The following COL1A2 variants were observed in gnomAD, a reference collection of about 807,000 sequenced individuals.
COL1A2 encodes collagen alpha-2(I) chain.
In COL1A2, 49 loss-of-function variants were observed where a neutral mutation model predicts 174.3. The observed-to-expected ratio is 0.28, with a 90% confidence interval of 0.22 to 0.36. The LOEUF (loss-of-function observed/expected upper bound fraction) is 0.36, where lower values mean the gene tolerates loss of function less well. Among genes scored for constraint, COL1A2 ranks in the 10% least tolerant of loss-of-function variants. The pLI, the probability that COL1A2 is intolerant of heterozygous loss-of-function variation, is 1.00. For missense variants in COL1A2, 1,438 were observed against 1,822.7 expected (o/e 0.79, Z 3.84); for synonymous variants, 655 against 606.6 (o/e 1.08, Z -1.17).
At chr7:94,420,923 G>C in intron 37 of COL1A2, 86 bp from the exon 38 acceptor site, 1 of 1,296,014 alleles carries the variant, frequency 7.7e-7, no homozygotes, top group Non-Finnish European at 1.1e-6. Context: ...TCTTCTAAGA[G>C]ATGCGGGAAT....
intron 6 of COL1A2, among the ~76,000 whole-genome samples, chr7:94,404,333 T>C (rs1246242076): frequency 1.3e-5 from 2 of 152,214 alleles, no homozygotes; most frequent in Non-Finnish European, 2.9e-5. Flanking sequence ...ATCTGCCCCG[T>C]CTAATTCTCA....
chr7:94,401,641 T>C (rs780817106), intron 6 of COL1A2, 21 bp downstream of exon 6: 9 of 1,573,698 alleles, frequency 5.7e-6, no homozygotes, highest in Admixed American at 5.1e-5. Flanking sequence ...CTGTTTATCT[T>C]AGCCAAAAAA....
At chr7:94,414,420 C>T in intron 29 of COL1A2, 145 bp downstream of exon 29, 2 of 785,666 alleles carry the variant, frequency 2.5e-6, no homozygotes, top group African/African-American at 1.7e-5. Context: ...TACTTTGGTG[C>T]TGATGGAGAG....
intron 30 of COL1A2, 46 bp downstream of exon 30, chr7:94,415,316 T>C: frequency 6.4e-7 from 1 of 1,559,184 alleles, no homozygotes; most frequent in Non-Finnish European, 8.9e-7. Flanking sequence ...CAATGTGTTT[T>C]TAAAAGTAGT....
chr7:94,417,485 A>G (rs1458104534), intron 31 of COL1A2: 1 of 513,554 alleles, frequency 1.9e-6, no homozygotes, highest in Non-Finnish European at 3.6e-6. Context: ...GGACTGAAGC[A>G]GGTTATAGAG....
intron 26 of COL1A2, 89 bp from the exon 27 acceptor site, chr7:94,413,601 G>C (rs1441671796): frequency 7.8e-7 from 1 of 1,275,958 alleles, no homozygotes. Flanking sequence ...TGACAAACTT[G>C]TTTTAAGGAA....
At chr7:94,395,485 G>C (rs1791564624) in intron 1 of COL1A2, 1 of 345,180 alleles carries the variant, frequency 2.9e-6, no homozygotes, top group Admixed American at 4.2e-5. Flanking sequence ...TGTCCACCTT[G>C]TAAAACTTGA....
intron 11 of COL1A2, 139 bp downstream of exon 11, chr7:94,405,865 T>A (rs923056425): frequency 3.6e-5 from 29 of 808,546 alleles, no homozygotes; most frequent in Non-Finnish European, 8.5e-6. Flanking sequence ...AGTTAAAGAG[T>A]CAGATTTCTT....
chr7:94,405,869 A>G, intron 11 of COL1A2, 143 bp downstream of exon 11: 1 of 798,514 alleles, frequency 1.3e-6, no homozygotes, highest in Non-Finnish European at 2.1e-6. Flanking sequence ...AAAGAGTCAG[A>G]TTTCTTGAAA....
chr7:94,409,670 G>A, intron 18 of COL1A2, 53 bp from the exon 19 acceptor site: 1 of 1,613,368 alleles, frequency 6.2e-7, no homozygotes, highest in Non-Finnish European at 8.5e-7. Context: ...AATGTGTGCT[G>A]CCTCTACAGC....
chr7:94,430,369 C>T lies in COL1A2; in HGVS notation c.4077C>T (p.Asp1359=), dbSNP rs1792373923. The T allele has an allele frequency of 6.2e-7, 1 of 1,613,916 alleles. No individual in the cohort carries two copies. The highest frequency in any genetic ancestry group is 1.1e-5 in the South Asian group (1 of 91,082). Residue 1359 remains aspartate (D), a synonymous_variant, in exon 52 of 52, where the codon GAC becomes GAT. Coordinates refer to ENST00000297268, the MANE Select transcript of COL1A2 (RefSeq NM_000089.4). ...GTGCTGACCAGGAATTCTTTGTGGA[C>T]ATTGGCCCAGTCTGTTTCAAATAAA... is the stretch of plus-strand genomic sequence containing the variant. The part of the protein sequence containing the change: ...IGGADQEFFV[D]IGPVCFK
chr7:94,404,773 T>C (rs1562898997), intron 8 of COL1A2, 27 bp downstream of exon 8: 2 of 1,614,140 alleles, frequency 1.2e-6, no homozygotes, highest in Non-Finnish European at 1.7e-6. Context: ...ACCTTTGTGA[T>C]AAGTTTTTTT....
intron 40 of COL1A2, 40 bp downstream of exon 40, chr7:94,423,158 T>C (rs1792204650): frequency 2.5e-6 from 4 of 1,608,756 alleles, no homozygotes; most frequent in Non-Finnish European, 3.4e-6. Flanking sequence ...TACCTTATGC[T>C]GAATTAAAAT....
chr7:94,407,834 C>A lies in COL1A2; in HGVS notation c.595-13C>A, dbSNP rs1791834120. On this transcript the variant is annotated splice_polypyrimidine_tract_variant and intron_variant, in intron 12 of 51. Coordinates refer to ENST00000297268, the MANE Select transcript of COL1A2 (RefSeq NM_000089.4). ...ATATTTAATGAACAAAAACTCAATC[C>A]TTCTCCATGTAGGGTGAACCTGGTG... The A allele has an allele frequency of 2.5e-6, 4 of 1,613,260 alleles. No individual in the cohort carries two copies. The highest frequency in any genetic ancestry group is 3.4e-6 in the Non-Finnish European group (4 of 1,179,460).
At position 94,404,424 on chromosome 7, in the gene COL1A2, C is replaced by A. The variant is rs1292698557; in HGVS notation, c.280-132C>A. ...TGCAGGAAGTTTGAGTCCTTAAATT[C>A]TTCCTTGGGAGGAATAAAAACTATG... On this transcript the variant is annotated intron_variant, in intron 6 of 51. Transcript: ENST00000297268. 6.3e-6 allele frequency: 6 copies of A among 947,174 alleles called. No homozygotes were observed. The East Asian group carries it at 1.5e-4, about 23-fold the overall frequency. The allele number at this position is 947,174 out of a possible 1,614,324, so 58.7% of individuals were successfully genotyped here. A position where few individuals can be genotyped will look rare whatever the true frequency, so the allele number is the denominator to read the frequency against.
chr7:94,429,429 C>T lies in COL1A2; in HGVS notation c.3953C>T (p.Ser1318Phe). The T allele has an allele frequency of 1.2e-6, 2 of 1,613,772 alleles. No individual in the cohort carries two copies. Among genetic ancestry groups the T allele is most frequent in the Non-Finnish European group, 1.7e-6 (2 of 1,179,948 alleles). The change falls in exon 51 of 52, where the codon TCT becomes TTT. Residue 1318 changes from serine (S) to phenylalanine (F), a missense_variant and splice_region_variant. Coordinates refer to ENST00000297268, the MANE Select transcript of COL1A2 (RefSeq NM_000089.4). ...TACACTGTTCTTGTAGATGGCTGCT[C>T]TGTAAGTAATAGTGAAATATGGGAA... ...FTYTVLVDGC[S>F]KKTNEWGKTI...
At chr7:94,413,214 TATC>T (rs761994280) in intron 26 of COL1A2, 78 bp downstream of exon 26, 3 of 1,371,992 alleles carry the variant, frequency 2.2e-6, no homozygotes, top group Non-Finnish European at 2.1e-6. Context: ...CACCATCTGA[TATC>T]ATTTTGTCAC....
At position 94,416,527 on chromosome 7, in the gene COL1A2, T is replaced by G. The variant is rs1351926109; in HGVS notation, c.1863+24T>G. ...AGGTAAAATCTTATGTTTTCTATAT[T>G]GCTGGTTTGGCCCAGTCTGCCTGGA... On this transcript the variant is annotated intron_variant, in intron 31 of 51. Coordinates refer to ENST00000297268, the MANE Select transcript of COL1A2 (RefSeq NM_000089.4). The G allele has an allele frequency of 3.3e-6, 5 of 1,534,210 alleles. No homozygotes were observed. The South Asian group carries it at 6.0e-5, about 18-fold the overall frequency.
intron 39 of COL1A2, chr7:94,422,440 G>A (rs1283363427): frequency 1.2e-5 from 2 of 160,090 alleles, no homozygotes; most frequent in African/African-American, 4.8e-5. Context: ...TAGCAAAGAT[G>A]TTGATTTCTT....
Sources: allele counts gnomAD v4.1 joint callset (sites outside exome capture counted in the v4.1 genomes callset), GRCh38; gene constraint gnomAD v4.1.1; transcripts MANE v1.5; gene names NCBI Gene and HGNC (gene_info 2026-07-23, HGNC 2026-07-21).